The following CCDC102A variants were observed in gnomAD, a reference collection of about 807,000 sequenced individuals.
The protein encoded by CCDC102A is coiled-coil domain containing 102A.
CCDC102A carries 40 observed loss-of-function variants against 55.5 expected under a neutral mutation model. That is an observed-to-expected ratio of 0.72 (90% CI 0.56 to 0.94). The LOEUF is 0.94. Ranked by LOEUF, CCDC102A falls within the 40% of genes least tolerant of loss-of-function variation. The pLI is 0.00. For missense variants in CCDC102A, 779 were observed against 768.6 expected, an observed-to-expected ratio of 1.01 and a Z score of -0.16; for synonymous variants, 323 against 339.0, an observed-to-expected ratio of 0.95 and a Z score of 0.52.
rs2031991094 is a variant in CCDC102A, at chr16:57,518,240, C to A, written c.1076G>T (p.Gly359Val). 6.2e-7 allele frequency: 1 copy of A among 1,611,300 alleles called. No homozygotes were observed. The highest frequency in any genetic ancestry group is 8.5e-7 in the Non-Finnish European group (1 of 1,179,938). Residue 359 changes from glycine (G) to valine (V), a missense_variant, in exon 6 of 9, where the codon GGC becomes GTC. Physicochemically the swap from Gly to Val is moderately radical, Grantham distance 109. Coordinates refer to ENST00000258214, the MANE Select transcript of CCDC102A (RefSeq NM_033212.4). ...CTCTGTCTCCAGCCGCTCCCGGCGG[C>A]CCCACTCCGCAGCGTTTTCGGCCTG... ...RLQAENAAEW[G>V]RRERLETEKL... is the part of the protein sequence containing the mutation.
At chr16:57,515,790 C>A (rs1358270007) in intron 7 of CCDC102A, among the ~76,000 whole-genome samples, 1 of 151,302 alleles carries the variant, frequency 6.6e-6, no homozygotes, top group Non-Finnish European at 1.5e-5. Flanking sequence ...CACTCCCCAT[C>A]CATTAATCTA....
intron 8 of CCDC102A, among the ~76,000 whole-genome samples, chr16:57,513,427 G>A (rs1026985567): frequency 1.3e-5 from 2 of 152,190 alleles, no homozygotes; most frequent in Admixed American, 6.5e-5. Flanking sequence ...TGGCCGCCCC[G>A]GCTGCATCTT....
At chr16:57,536,807 C>A (rs1160572732), upstream of CCDC102A, among the ~76,000 whole-genome samples, 1 of 152,162 alleles carries the variant, frequency 6.6e-6, no homozygotes, top group Admixed American at 6.5e-5. Context: ...AGGCCCCACC[C>A]CCGTGAGGGG....
At chr16:57,521,296 T>A in intron 3 of CCDC102A, 120 bp from the exon 4 acceptor site, 1 of 738,662 alleles carries the variant, frequency 1.4e-6, no homozygotes, top group South Asian at 1.6e-5. Flanking sequence ...AATCCTTGCC[T>A]TGGTATTCAG....
chr16:57,531,681 A>G (rs1381431055), intron 1 of CCDC102A, among the ~76,000 whole-genome samples: 1 of 152,108 alleles, frequency 6.6e-6, no homozygotes, highest in African/African-American at 2.4e-5. Flanking sequence ...TCCCAGCAGG[A>G]GCCGCAAGCC....
Position 57,512,880 on chromosome 16 carries a change from G to T in CCDC102A, c.1524-10C>A, listed in dbSNP as rs751757226. On this transcript the variant is annotated splice_polypyrimidine_tract_variant and intron_variant, in intron 8 of 8. Coordinates refer to ENST00000258214, the MANE Select transcript of CCDC102A (RefSeq NM_033212.4). ...CTGCTGCCTGCGGAGCCTGTGGGGTGGGGGTGACAGGAGGTTAGAGCAGCC... is the reference window on the plus strand; with the variant it reads ...CTGCTGCCTGCGGAGCCTGTGGGGTTGGGGTGACAGGAGGTTAGAGCAGCC... 6.2e-7 allele frequency: 1 copy of T among 1,611,366 alleles called. No individual in the cohort carries two copies. Among genetic ancestry groups the T allele is most frequent in the Admixed American group, 1.7e-5 (1 of 59,910 alleles).
chr16:57,534,007 C>G (rs1211569955), intron 1 of CCDC102A, among the ~76,000 whole-genome samples: 1 of 152,208 alleles, frequency 6.6e-6, no homozygotes, highest in East Asian at 1.9e-4. Flanking sequence ...CCCCACCCTT[C>G]GTTGTCCTGC....
At chr16:57,514,092 C>T (rs966066037) in intron 8 of CCDC102A, among the ~76,000 whole-genome samples, 2 of 152,186 alleles carry the variant, frequency 1.3e-5, no homozygotes, top group Admixed American at 6.5e-5. Flanking sequence ...GATGCTGATG[C>T]ACAACATGTA....
Position 57,528,927 on chromosome 16 carries a change from CG to C in CCDC102A, c.250del (p.Arg84GlyfsTer77). 7.1e-7 allele frequency: 1 copy of C among 1,401,166 alleles called. No homozygotes were observed. Among genetic ancestry groups the C allele is most frequent in the Middle Eastern group, 2.0e-4 (1 of 5,072 alleles). The allele number at this position is 1,401,166 out of a possible 1,614,324, so 86.8% of individuals were successfully genotyped here. A position where few individuals can be genotyped will look rare whatever the true frequency, so the allele number is the denominator to read the frequency against. ...ELRLRELEEARARAAQMEKTM... is the reference protein window; with the variant it reads ...ELRLRELEEAXARAAQMEKTM... Reference sequence around the variant, plus strand: ...CTTCTCCATCTGCGCCGCCCGCGCCCGCGCCTCCTCCAGCTCCCGCAGCCGC... The same window carrying C: ...CTTCTCCATCTGCGCCGCCCGCGCCCCGCCTCCTCCAGCTCCCGCAGCCGC... On this transcript the variant is annotated frameshift_variant, in exon 2 of 9. Transcript: ENST00000258214. LOFTEE classifies it high-confidence loss of function.
At chr16:57,514,052 CAT>C (rs2031912432) in intron 8 of CCDC102A, among the ~76,000 whole-genome samples, 1 of 152,172 alleles carries the variant, frequency 6.6e-6, no homozygotes, top group African/African-American at 2.4e-5. Flanking sequence ...TAGGAAAAAA[CAT>C]CTTTCCTTTC....
intron 1 of CCDC102A, among the ~76,000 whole-genome samples, chr16:57,531,824 G>A (rs775982359): frequency 1.3e-5 from 2 of 152,242 alleles, no homozygotes; most frequent in South Asian, 2.1e-4. Flanking sequence ...CCTGGCAAAC[G>A]CCAACCCTGT....
In CCDC102A at chr16:57,528,853, T is replaced by C. The variant is rs1598078256; in HGVS notation, c.325A>G (p.Ser109Gly). 7.4e-7 allele frequency: 1 copy of C among 1,345,270 alleles called. No individual in the cohort carries two copies. Among genetic ancestry groups the C allele is most frequent in the East Asian group, 3.3e-5 (1 of 30,022 alleles). The allele number at this position is 1,345,270 out of a possible 1,614,324, so 83.3% of individuals were successfully genotyped here. ...CGGTTGCGCTCAGCGCGCACCTTGC[T>C]CCATTTCTCGCGCCAATTGGCAGTG... Reference protein sequence around the residue: ...DCTANWREKWSKVRAERNRAR... With the variant: ...DCTANWREKWGKVRAERNRAR... Residue 109 changes from serine to glycine, a missense_variant, in exon 2 of 9, where the codon AGC becomes GGC. Ser to Gly is a moderately conservative substitution (Grantham distance 56). Coordinates refer to ENST00000258214, the MANE Select transcript of CCDC102A (RefSeq NM_033212.4).
intron 8 of CCDC102A, among the ~76,000 whole-genome samples, chr16:57,514,223 A>T (rs2031916042): frequency 6.6e-6 from 1 of 152,052 alleles, no homozygotes; most frequent in Non-Finnish European, 1.5e-5. Context: ...TAGAGACGGG[A>T]TCTCACTTTG....
chr16:57,519,066 C>T (rs1281116037), intron 4 of CCDC102A, among the ~76,000 whole-genome samples: 2 of 152,202 alleles, frequency 1.3e-5, no homozygotes, highest in Admixed American at 1.3e-4. Context: ...CCTCTGATGG[C>T]TCCCAGGTGC....
At chr16:57,518,562 T>G in intron 5 of CCDC102A, 63 bp downstream of exon 5, 2 of 1,301,066 alleles carry the variant, frequency 1.5e-6, no homozygotes, top group South Asian at 2.4e-5. Context: ...AGTGACCTGC[T>G]GATGGAGCAG....
At chr16:57,530,406 C>T (rs571575480) in intron 1 of CCDC102A, among the ~76,000 whole-genome samples, 1 of 152,266 alleles carries the variant, frequency 6.6e-6, no homozygotes. Flanking sequence ...TTTCCTTCCC[C>T]ATTAGGCAGA....
chr16:57,513,963 C>T (rs2031910446), intron 8 of CCDC102A, among the ~76,000 whole-genome samples: 2 of 152,188 alleles, frequency 1.3e-5, no homozygotes, highest in African/African-American at 2.4e-5. Context: ...AGGGGTGATT[C>T]TGCCTGGCCA....
chr16:57,514,090 T>C (rs2031913302), intron 8 of CCDC102A, among the ~76,000 whole-genome samples: 1 of 152,196 alleles, frequency 6.6e-6, no homozygotes, highest in African/African-American at 2.4e-5. Flanking sequence ...GTGATGCTGA[T>C]GCACAACATG....
At chr16:57,522,733 G>A (rs58957315) in intron 3 of CCDC102A, among the ~76,000 whole-genome samples, 5,079 of 152,302 alleles carry the variant, frequency 0.033, 276 homozygotes, top group African/African-American at 0.11. Context: ...CACAACACCT[G>A]ACTCGGAGCA....
Sources: allele counts gnomAD v4.1 joint callset (sites outside exome capture counted in the v4.1 genomes callset), GRCh38; gene constraint gnomAD v4.1.1; transcripts MANE v1.5; gene names NCBI Gene and HGNC (gene_info 2026-07-23, HGNC 2026-07-21).